Variants in MCTP1 observed in about 807,000 individuals in gnomAD.
The protein encoded by MCTP1 is multiple C2 and transmembrane domain containing 1.
A neutral mutation model predicts 120.6 loss-of-function variants in MCTP1; 69 were observed. That is an observed-to-expected ratio of 0.57 (90% CI 0.47 to 0.70). The LOEUF is 0.70. Ranked by LOEUF, MCTP1 falls within the 30% of genes least tolerant of loss-of-function variation. The pLI, the probability that MCTP1 is intolerant of heterozygous loss-of-function variation, is 0.00. For missense variants in MCTP1, 1,203 were observed against 1,248.8 expected (o/e 0.96, Z 0.55); for synonymous variants, 529 against 493.1 (o/e 1.07, Z -0.96).
At chr5:95,069,233 T>C (rs1375290837) in intron 1 of MCTP1, among the ~76,000 whole-genome samples, 2 of 151,926 alleles carry the variant, frequency 1.3e-5, no homozygotes, top group African/African-American at 4.8e-5. Context: ...AGTCAGGGAG[T>C]GGAAACAGTG....
chr5:95,087,135 C>T (rs1755496991), intron 1 of MCTP1, among the ~76,000 whole-genome samples: 1 of 152,154 alleles, frequency 6.6e-6, no homozygotes, highest in South Asian at 2.1e-4. Flanking sequence ...AAGGGTATCC[C>T]ACTTCCTTGA....
intron 18 of MCTP1, chr5:94,789,726 A>T (rs1453566635): frequency 6.6e-6 from 1 of 152,140 alleles, no homozygotes; most frequent in East Asian, 1.9e-4. Context: ...TGCACCTATT[A>T]TATTCATGTA....
chr5:94,783,197 A>C (rs1776940301), intron 18 of MCTP1, among the ~76,000 whole-genome samples: 2 of 152,168 alleles, frequency 1.3e-5, no homozygotes, highest in African/African-American at 2.4e-5. Flanking sequence ...CCCCAAATGC[A>C]GCATGCCAGC....
chr5:95,063,574 T>C (rs1488427728), intron 1 of MCTP1, among the ~76,000 whole-genome samples: 1 of 152,134 alleles, frequency 6.6e-6, no homozygotes, highest in East Asian at 1.9e-4. Context: ...TAGAAAAGGA[T>C]TGTTTGATGC....
chr5:95,137,434 T>C (rs1013732055), intron 1 of MCTP1, among the ~76,000 whole-genome samples: 1 of 152,246 alleles, frequency 6.6e-6, no homozygotes, highest in Non-Finnish European at 1.5e-5. Context: ...ACACAGTAAG[T>C]GCTCAATACA....
At chr5:94,885,729 A>C (rs1465229836) in intron 12 of MCTP1, among the ~76,000 whole-genome samples, 1 of 152,026 alleles carries the variant, frequency 6.6e-6, no homozygotes, top group Non-Finnish European at 1.5e-5. Flanking sequence ...GATGGTGTGG[A>C]GAGACATTAA....
chr5:94,990,055 T>C (rs1161861352), intron 2 of MCTP1, among the ~76,000 whole-genome samples: 2 of 152,186 alleles, frequency 1.3e-5, no homozygotes, highest in African/African-American at 4.8e-5. Context: ...AGTGAATTAC[T>C]GAACCCAAAA....
intron 1 of MCTP1, among the ~76,000 whole-genome samples, chr5:95,036,220 T>C (rs983046905): frequency 2.6e-5 from 4 of 152,164 alleles, no homozygotes; most frequent in Non-Finnish European, 5.9e-5. Flanking sequence ...TGTTAACAAA[T>C]GTTTCAATAG....
chr5:94,843,106 A>G (rs1233761940), intron 17 of MCTP1, among the ~76,000 whole-genome samples: 1 of 151,696 alleles, frequency 6.6e-6, no homozygotes, highest in Non-Finnish European at 1.5e-5. Context: ...ATCAGTCTAG[A>G]CTGGCCTACA....
chr5:95,083,704 T>G (rs144469128), intron 1 of MCTP1, among the ~76,000 whole-genome samples: 1 of 152,254 alleles, frequency 6.6e-6, no homozygotes, highest in East Asian at 1.9e-4. Context: ...GCCAAATACG[T>G]GAAAGGCAGA....
At chr5:95,001,162 C>A (rs1314203374) in intron 2 of MCTP1, among the ~76,000 whole-genome samples, 1 of 152,226 alleles carries the variant, frequency 6.6e-6, no homozygotes, top group African/African-American at 2.4e-5. Context: ...TGTACGTTTC[C>A]TGAAGCCTCC....
intron 19 of MCTP1, among the ~76,000 whole-genome samples, chr5:94,737,953 G>A (rs10043446): frequency 0.87 from 132,240 of 152,250 alleles, 57,624 homozygotes; most frequent in African/African-American, 0.94. Context: ...TGCTGGGATT[G>A]CAGGCGTGAG....
intron 1 of MCTP1, among the ~76,000 whole-genome samples, chr5:95,153,734 T>C (rs1744791298): frequency 6.6e-6 from 1 of 151,978 alleles, no homozygotes; most frequent in Admixed American, 6.6e-5. Flanking sequence ...CTCCGAGGAG[T>C]GATCAAGAAG....
chr5:95,084,211 A>G (rs911006484), intron 1 of MCTP1, among the ~76,000 whole-genome samples: 1 of 152,178 alleles, frequency 6.6e-6, no homozygotes, highest in Non-Finnish European at 1.5e-5. Context: ...TGTATTCTTT[A>G]GGTAATTTGA....
chr5:94,773,689 A>C (rs940299922), intron 19 of MCTP1, among the ~76,000 whole-genome samples: 3 of 152,166 alleles, frequency 2.0e-5, no homozygotes, highest in African/African-American at 7.2e-5. Flanking sequence ...GCAAGGAGGA[A>C]TAAAGTCACA....
At chr5:94,743,232 T>C (rs1765953339) in intron 19 of MCTP1, among the ~76,000 whole-genome samples, 1 of 150,990 alleles carries the variant, frequency 6.6e-6, no homozygotes, top group African/African-American at 2.4e-5. Flanking sequence ...TTGGCTATAC[T>C]AAAATTAACC....
chr5:95,009,287 A>T (rs1204815852), intron 2 of MCTP1, among the ~76,000 whole-genome samples: 1 of 152,168 alleles, frequency 6.6e-6, no homozygotes, highest in Non-Finnish European at 1.5e-5. Flanking sequence ...GAAAATGGCT[A>T]TTACCAGATA....
chr5:94,752,108 A>AATATATATATATAT lies in MCTP1; in HGVS notation c.2610+26988_2610+27001dup, dbSNP rs146434254. On this transcript the variant is annotated intron_variant, in intron 19 of 22. Coordinates refer to ENST00000515393, the MANE Select transcript of MCTP1 (RefSeq NM_024717.7). ...ATGTACCCTAAAACTTAAATAATAAAATATATATATATATATATATATATA... is the reference window on the plus strand; with the variant it reads ...ATGTACCCTAAAACTTAAATAATAAAATATATATATATATATATATATATATATATATATATATA... Among the ~76,000 whole-genome samples, 610 of 75,658 alleles carry AATATATATATATAT rather than the reference A, an allele frequency of 8.1e-3. 37 individuals are homozygous for AATATATATATATAT. The highest frequency in any genetic ancestry group is 0.01 in the Non-Finnish European group (321 of 31,870). 49.6% of individuals were successfully genotyped at this position (75,658 alleles called of 152,430 possible). A position where few individuals can be genotyped will look rare whatever the true frequency, so the allele number is the denominator to read the frequency against.
chr5:94,989,239 T>C (rs1261889483), intron 2 of MCTP1, among the ~76,000 whole-genome samples: 1 of 152,044 alleles, frequency 6.6e-6, no homozygotes, highest in African/African-American at 2.4e-5. Flanking sequence ...CTTCTGAGAG[T>C]ATTTTCTAGA....
Sources: allele counts gnomAD v4.1 joint callset (sites outside exome capture counted in the v4.1 genomes callset), GRCh38; gene constraint gnomAD v4.1.1; transcripts MANE v1.5; gene names NCBI Gene and HGNC (gene_info 2026-07-23, HGNC 2026-07-21).